ANKHD1: variants seen among roughly 807,000 people sequenced by gnomAD.
ANKHD1 encodes ankyrin repeat and KH domain-containing protein 1.
In ANKHD1, 31 loss-of-function variants were observed where a neutral mutation model predicts 230.5. The ratio of observed to expected loss-of-function variants is 0.13; its 90% CI spans 0.10 to 0.18. ANKHD1 has a LOEUF of 0.18. ANKHD1 is among the 10% of genes least tolerant of loss of function. The pLI is 1.00. For missense variants in ANKHD1, 2,256 were observed against 3,071.3 expected, an observed-to-expected ratio of 0.73 and a Z score of 6.27; for synonymous variants, 1,074 against 1,117.6, an observed-to-expected ratio of 0.96 and a Z score of 0.78.
chr5:140,501,878 G>C (rs1481196087), intron 15 of ANKHD1, among the ~76,000 whole-genome samples: 1 of 151,834 alleles, frequency 6.6e-6, no homozygotes, highest in African/African-American at 2.4e-5. Flanking sequence ...GTAACATACT[G>C]TACTTACTTC....
At chr5:140,449,933 G>GT (rs374771212) in intron 7 of ANKHD1, among the ~76,000 whole-genome samples, 1 of 152,074 alleles carries the variant, frequency 6.6e-6, no homozygotes, top group African/African-American at 2.4e-5. Flanking sequence ...ACATTTAACT[G>GT]TTTTTTTAAA....
At chr5:140,483,020 G>A (rs1338561186) in intron 11 of ANKHD1, among the ~76,000 whole-genome samples, 1 of 152,064 alleles carries the variant, frequency 6.6e-6, no homozygotes, top group Non-Finnish European at 1.5e-5. Context: ...CTGCTACTGT[G>A]GTACTTGTTT....
intron 6 of ANKHD1, among the ~76,000 whole-genome samples, chr5:140,448,614 A>C (rs1369589349): frequency 6.6e-6 from 1 of 152,136 alleles, no homozygotes; most frequent in East Asian, 1.9e-4. Context: ...TCTTGTTTTA[A>C]TTTGCATTTC....
rs1215225427 is a variant in ANKHD1, at chr5:140,523,434, C to A, written c.4318-632C>A. Among the ~76,000 whole-genome samples, 4 of 151,354 alleles carry A rather than the reference C, an allele frequency of 2.6e-5. No homozygotes were observed. In the East Asian group the frequency reaches 7.8e-4, roughly 29 times the overall value. ...GCATATAACTTGATGTTTTCATAAT[C>A]TGTTTTTTAAATGGACTGTCTTTTC... is the stretch of plus-strand genomic sequence containing the variant. On this transcript the variant is annotated intron_variant, in intron 24 of 33. Coordinates refer to ENST00000360839, the MANE Select transcript of ANKHD1 (RefSeq NM_017747.3).
intron 10 of ANKHD1, among the ~76,000 whole-genome samples, chr5:140,470,844 C>T (rs114143777): frequency 8.6e-4 from 130 of 151,860 alleles, no homozygotes; most frequent in African/African-American, 3.0e-3. Context: ...CCAGGCTAGT[C>T]CTGAACCGCT....
intron 1 of ANKHD1, among the ~76,000 whole-genome samples, chr5:140,424,749 G>A (rs1222118412): frequency 1.3e-5 from 2 of 152,294 alleles, no homozygotes; most frequent in African/African-American, 4.8e-5. Context: ...CAATATGATT[G>A]TTAGGACAGC....
intron 7 of ANKHD1, among the ~76,000 whole-genome samples, chr5:140,456,603 A>C (rs929579888): frequency 2.0e-5 from 3 of 152,206 alleles, no homozygotes; most frequent in African/African-American, 7.2e-5. Flanking sequence ...GAAAAGCAAG[A>C]AATGGGGAAA....
chr5:140,403,257 C>A (rs1770135595), intron 1 of ANKHD1, among the ~76,000 whole-genome samples: 1 of 152,164 alleles, frequency 6.6e-6, no homozygotes, highest in Admixed American at 6.5e-5. Context: ...GTATGAGCCA[C>A]CGTGCCCGGC....
rs200389003 is a variant in ANKHD1, at chr5:140,504,842, C to G, written c.3026C>G (p.Thr1009Ser). Residue 1009 changes from threonine to serine, a missense_variant, in exon 16 of 34, where the codon ACT becomes AGT. Coordinates refer to ENST00000360839, the MANE Select transcript of ANKHD1 (RefSeq NM_017747.3). ...TCAGCTGTGAGTACCAGAGTGCCCA[C>G]TGGTTCCAACAGTTCTTCTCAGACC... is the stretch of plus-strand genomic sequence containing the variant. ...LIAAVSTRVP[T>S]GSNSSSQTTE... 88 of 1,613,708 alleles carry G rather than the reference C, an allele frequency of 5.5e-5. No individual in the cohort carries two copies. In the Middle Eastern group the frequency reaches 1.3e-3, roughly 24 times the overall value.
Position 140,419,790 on chromosome 5 carries a change from CTTTCTTTCTTTCTTTCTTTCTT to C in ANKHD1, c.307-16312_307-16291del, listed in dbSNP as rs1198631180. Among the ~76,000 whole-genome samples, 430 of 132,432 alleles carry C rather than the reference CTTTCTTTCTTTCTTTCTTTCTT, an allele frequency of 3.2e-3. 4 individuals carry two copies. Among genetic ancestry groups the C allele is most frequent in the East Asian group, 0.022 (107 of 4,790 alleles). 86.9% of individuals were successfully genotyped at this position (132,432 alleles called of 152,430 possible). A position where few individuals can be genotyped will look rare whatever the true frequency, so the allele number is the denominator to read the frequency against. ...TTCCTTTCTTTTTCTTTCTTTCTTT[CTTTCTTTCTTTCTTTCTTTCTT>C]TCTTTCTTTCTTTCTTTCTTTCTTT... On this transcript the variant is annotated intron_variant, in intron 1 of 33. Coordinates refer to ENST00000360839, the MANE Select transcript of ANKHD1 (RefSeq NM_017747.3).
chr5:140,528,062 A>T, intron 28 of ANKHD1, 40 bp downstream of exon 28: 1 of 1,608,192 alleles, frequency 6.2e-7, no homozygotes, highest in Non-Finnish European at 8.5e-7. Context: ...CTGAGTAGAA[A>T]TTATAAGAAG....
rs371316398 is a variant in ANKHD1 at position 140,466,356 on chromosome 5, A to C, written c.1782+1580A>C. ...CAGTGAGCCTAGATTGCGCCATTGC[A>C]CTCCAGCCTGGGCAACAAGAGCAAA... On this transcript the variant is annotated intron_variant, in intron 10 of 33. Coordinates refer to ENST00000360839, the MANE Select transcript of ANKHD1 (RefSeq NM_017747.3). Among the ~76,000 whole-genome samples, 15 of 151,096 alleles carry C rather than the reference A, an allele frequency of 9.9e-5. No individual in the cohort carries two copies. The East Asian group carries it at 1.7e-3, about 18-fold the overall frequency.
At chr5:140,434,687 A>G (rs1019547746) in intron 1 of ANKHD1, among the ~76,000 whole-genome samples, 12 of 151,562 alleles carry the variant, frequency 7.9e-5, no homozygotes, top group Non-Finnish European at 1.6e-4. Context: ...CTTTTTTTTT[A>G]ATTTTTTATT....
At chr5:140,435,357 A>C (rs774944413) in intron 1 of ANKHD1, among the ~76,000 whole-genome samples, 3 of 148,136 alleles carry the variant, frequency 2.0e-5, no homozygotes, top group Non-Finnish European at 3.0e-5. Context: ...ATGTTCATGT[A>C]CTTGTTTCAA....
intron 14 of ANKHD1, among the ~76,000 whole-genome samples, chr5:140,495,349 C>T (rs1751982298): frequency 6.6e-6 from 1 of 151,564 alleles, no homozygotes; most frequent in Non-Finnish European, 1.5e-5. Flanking sequence ...GGGTTCACGC[C>T]ATTCTCCTGC....
chr5:140,441,612 G>A (rs748638015), intron 5 of ANKHD1, among the ~76,000 whole-genome samples: 1 of 152,110 alleles, frequency 6.6e-6, no homozygotes. Flanking sequence ...CGGGTCAGGG[G>A]TGGGGAGAAG....
At chr5:140,409,518 A>T (rs1299928658) in intron 1 of ANKHD1, among the ~76,000 whole-genome samples, 2 of 151,728 alleles carry the variant, frequency 1.3e-5, no homozygotes, top group African/African-American at 4.8e-5. Context: ...TGCTTATTGA[A>T]TAAAAAGAAT....
chr5:140,484,743 A>G (rs1318218327), intron 11 of ANKHD1: 1 of 154,648 alleles, frequency 6.5e-6, no homozygotes, highest in South Asian at 2.0e-4. Flanking sequence ...AACATTGTGG[A>G]TGAATCTCAC....
chr5:140,423,961 A>G (rs982839128), intron 1 of ANKHD1, among the ~76,000 whole-genome samples: 1 of 152,148 alleles, frequency 6.6e-6, no homozygotes, highest in East Asian at 1.9e-4. Context: ...CTGTCTTGTC[A>G]TTCTGTCACT....
Sources: gnomAD v4.1 joint callset for allele counts (sites outside exome capture counted in the v4.1 genomes callset) on GRCh38, gnomAD v4.1.1 for gene constraint, MANE v1.5 for transcripts, NCBI Gene and HGNC (gene_info 2026-07-23, HGNC 2026-07-21) for gene names.